Variants in DENND2B observed in about 807,000 individuals in gnomAD.
The protein encoded by DENND2B is DENN domain containing 2B.
In DENND2B, 32 loss-of-function variants were observed where a neutral mutation model predicts 116.0. The observed-to-expected ratio is 0.28, with a 90% CI of 0.21 to 0.37. The LOEUF is 0.37. Ranked by LOEUF, DENND2B falls within the 10% of genes least tolerant of loss-of-function variation. The pLI, the probability that DENND2B is intolerant of heterozygous loss-of-function variation, is 1.00. For synonymous variants in DENND2B, 588 were observed against 583.9 expected, an observed-to-expected ratio of 1.01 and a Z score of -0.10; for missense variants, 1,276 against 1,477.7, an observed-to-expected ratio of 0.86 and a Z score of 2.24.
intron 11 of DENND2B, among the ~76,000 whole-genome samples, chr11:8,709,295 G>A (rs2043179074): frequency 6.6e-6 from 1 of 152,152 alleles, no homozygotes; most frequent in Non-Finnish European, 1.5e-5. Flanking sequence ...ATTAAATCAA[G>A]TATGTGGGAT....
At chr11:8,852,650 C>A (rs1170262776) in intron 3 of DENND2B, among the ~76,000 whole-genome samples, 2 of 152,158 alleles carry the variant, frequency 1.3e-5, no homozygotes, top group Non-Finnish European at 2.9e-5. Context: ...ACGTTGAAAT[C>A]CATTAAGCTA....
intron 2 of DENND2B, among the ~76,000 whole-genome samples, chr11:8,861,618 G>C (rs2063393991): frequency 6.6e-6 from 1 of 152,188 alleles, no homozygotes; most frequent in South Asian, 2.1e-4. Context: ...ATGGAAAACA[G>C]TATGGAGATT....
chr11:8,840,247 G>C (rs919491065), intron 3 of DENND2B, among the ~76,000 whole-genome samples: 1 of 152,168 alleles, frequency 6.6e-6, no homozygotes, highest in Non-Finnish European at 1.5e-5. Flanking sequence ...GGACAAAAGA[G>C]AGGGGACTTG....
chr11:8,769,250 T>TC (rs1211619684), intron 1 of DENND2B, among the ~76,000 whole-genome samples: 1 of 151,400 alleles, frequency 6.6e-6, no homozygotes, highest in Non-Finnish European at 1.5e-5. Flanking sequence ...TTTTTTTTTT[T>TC]TTTTGAGACA....
intron 1 of DENND2B, among the ~76,000 whole-genome samples, chr11:8,759,885 G>A (rs1350389343): frequency 6.6e-6 from 1 of 152,178 alleles, no homozygotes; most frequent in African/African-American, 2.4e-5. Flanking sequence ...ACCAATACTG[G>A]CCCTCAGATT....
intron 3 of DENND2B, among the ~76,000 whole-genome samples, chr11:8,842,464 A>G (rs965746493): frequency 2.8e-4 from 43 of 152,176 alleles, no homozygotes; most frequent in African/African-American, 1.0e-3. Context: ...CTCTAAGGGT[A>G]AGGCTTTCAG....
Position 8,774,876 on chromosome 11 carries a change from A to ATT in DENND2B, c.-25-24152_-25-24151insAA, listed in dbSNP as rs1565919415. ...CTTATTTTTTTCGTTTTTTTTTTTT[A>ATT]ATTATTATTTTCACTTTTTTTTGAG... On this transcript the variant is annotated intron_variant, in intron 1 of 19. Transcript: ENST00000313726. Among the ~76,000 whole-genome samples, 7 of 129,284 alleles carry ATT rather than the reference A, an allele frequency of 5.4e-5. 1 individual carries two copies. The highest frequency in any genetic ancestry group is 1.1e-4 in the African/African-American group (3 of 28,476). The allele number at this position is 129,284 out of a possible 152,430, so 84.8% of individuals were successfully genotyped here.
chr11:8,904,485 G>T (rs2064210483), intron 1 of DENND2B, among the ~76,000 whole-genome samples: 1 of 152,120 alleles, frequency 6.6e-6, no homozygotes. Flanking sequence ...AATGGTAAAA[G>T]GCTGAATGTT....
intron 1 of DENND2B, among the ~76,000 whole-genome samples, chr11:8,883,818 T>C (rs898982768): frequency 7.9e-5 from 12 of 152,354 alleles, no homozygotes; most frequent in African/African-American, 2.9e-4. Context: ...AAGTTATCAA[T>C]TAGATACCAT....
At chr11:8,851,476 C>T (rs1419442194) in intron 3 of DENND2B, among the ~76,000 whole-genome samples, 1 of 152,008 alleles carries the variant, frequency 6.6e-6, no homozygotes, top group Non-Finnish European at 1.5e-5. Context: ...TTGCAAATAC[C>T]GATTATCTTC....
intron 1 of DENND2B, among the ~76,000 whole-genome samples, chr11:8,902,679 A>G (rs2064184829): frequency 6.6e-6 from 1 of 152,228 alleles, no homozygotes. Flanking sequence ...CTGGACTACA[A>G]TCAAGGTATC....
chr11:8,746,921 C>A (rs2051370422), intron 2 of DENND2B, among the ~76,000 whole-genome samples: 3 of 152,184 alleles, frequency 2.0e-5, no homozygotes, highest in Non-Finnish European at 4.4e-5. Context: ...CTCCTCTTTT[C>A]TGTGCCTCAG....
At chr11:8,700,795 T>G (rs2133707873) in intron 14 of DENND2B, among the ~76,000 whole-genome samples, 1 of 152,304 alleles carries the variant, frequency 6.6e-6, no homozygotes, top group African/African-American at 2.4e-5. Context: ...GAAAAGTTTT[T>G]GTTTCCTTTT....
In DENND2B at chr11:8,712,173, T is replaced by G; in HGVS notation, c.2172+378A>C. ...GAAGTGCGGAGTGACAGCTAGTGGGTGCAGAGTTTCTCTTTGGGGTGATAA... is the reference window on the plus strand; with the variant it reads ...GAAGTGCGGAGTGACAGCTAGTGGGGGCAGAGTTTCTCTTTGGGGTGATAA... On this transcript the variant is annotated intron_variant, in intron 9 of 19. Coordinates refer to ENST00000313726, the MANE Select transcript of DENND2B (RefSeq NM_213618.2). The surrounding 1 kb of genome is among the most constrained non-coding windows in gnomAD (Gnocchi z 4.4). 3 of 359,122 alleles carry G rather than the reference T, an allele frequency of 8.4e-6. No individual in the cohort carries two copies. Among genetic ancestry groups the G allele is most frequent in the South Asian group, 6.2e-5 (3 of 48,160 alleles). The allele number at this position is 359,122 out of a possible 1,614,324, so 22.2% of individuals were successfully genotyped here. A position where few individuals can be genotyped will look rare whatever the true frequency, so the allele number is the denominator to read the frequency against.
intron 1 of DENND2B, among the ~76,000 whole-genome samples, chr11:8,799,225 C>T (rs187715852): frequency 6.6e-6 from 1 of 152,298 alleles, no homozygotes; most frequent in East Asian, 1.9e-4. Context: ...AATATCTTCA[C>T]AACTGGCTCT....
intron 1 of DENND2B, among the ~76,000 whole-genome samples, chr11:8,884,499 C>T (rs1353697755): frequency 2.0e-5 from 3 of 152,090 alleles, no homozygotes; most frequent in South Asian, 2.1e-4. Flanking sequence ...ATTTAGATTT[C>T]CTATTCTTTA....
In DENND2B at chr11:8,894,480, A is replaced by C. The variant is rs1026797771; in HGVS notation, c.-255-13371T>G. ...ACAGGCAACCTACAAAATGGGAGAA[A>C]ATTTTTGCAACCTACTCATCTGACA... On this transcript the variant is annotated intron_variant, in intron 1 of 22. Coordinates refer to the DENND2B transcript ENST00000534127. 4.3e-3 allele frequency among the ~76,000 whole-genome samples: 658 copies of C among 152,206 alleles called. 2 individuals carry two copies. The highest frequency in any genetic ancestry group is 8.1e-3 in the Non-Finnish European group (549 of 68,004).
chr11:8,826,025 A>C (rs1283638860), intron 4 of DENND2B, among the ~76,000 whole-genome samples: 2 of 152,206 alleles, frequency 1.3e-5, no homozygotes. Context: ...AAGGAAATCA[A>C]GTCTTTTGGA....
intron 4 of DENND2B, among the ~76,000 whole-genome samples, chr11:8,722,775 C>T (rs1472068565): frequency 6.6e-6 from 1 of 152,176 alleles, no homozygotes; most frequent in Non-Finnish European, 1.5e-5. Context: ...CCCCACCACC[C>T]CACGAGGCCA....
Sources: gnomAD v4.1 joint callset for allele counts (sites outside exome capture counted in the v4.1 genomes callset) on GRCh38, gnomAD v4.1.1 for gene constraint, Gnocchi (gnomAD v3.1) non-coding constraint, MANE v1.5 for transcripts, NCBI Gene and HGNC (gene_info 2026-07-23, HGNC 2026-07-21) for gene names.